INTS10: variants seen among roughly 807,000 people sequenced by gnomAD.
The protein encoded by INTS10 is integrator complex subunit 10, also known as chromosome 8 open reading frame 35.
INTS10 carries 44 observed loss-of-function variants against 94.4 expected under a neutral mutation model. The ratio of observed to expected loss-of-function variants is 0.47; its 90% CI spans 0.37 to 0.60. The LOEUF is 0.60. Ranked by LOEUF, INTS10 falls within the 20% of genes least tolerant of loss-of-function variation. INTS10 has a pLI of 0.00. For synonymous variants in INTS10, 341 were observed against 320.7 expected (o/e 1.06, Z -0.68); for missense variants, 797 against 868.7 (o/e 0.92, Z 1.04).
At chr8:19,845,940 G>T in intron 16 of INTS10, 143 bp downstream of exon 16, 1 of 488,022 alleles carries the variant, frequency 2.0e-6, no homozygotes, top group Non-Finnish European at 3.6e-6. Flanking sequence ...TTTGATTCTG[G>T]GTACCTTTTG....
At position 19,817,459 on chromosome 8, in the gene INTS10, G is replaced by T. The variant is rs934232523; in HGVS notation, c.-79G>T. 1.6e-5 allele frequency: 25 copies of T among 1,534,524 alleles called. No individual in the cohort carries two copies. In the African/African-American group the frequency reaches 2.9e-4, roughly 18 times the overall value. Reference sequence around the variant, plus strand: ...CCCCCGCGGTGGCGGCGGCGGCGGCGGTGGCTGCCGTGGCGGCTGAGAGTC... The same window carrying T: ...CCCCCGCGGTGGCGGCGGCGGCGGCTGTGGCTGCCGTGGCGGCTGAGAGTC... On this transcript the variant is annotated 5_prime_UTR_variant, in exon 1 of 17. Coordinates refer to ENST00000397977, the MANE Select transcript of INTS10 (RefSeq NM_018142.4).
intron 9 of INTS10, among the ~76,000 whole-genome samples, chr8:19,827,869 CTTGCT>C (rs2066924550): frequency 6.6e-6 from 1 of 152,202 alleles, no homozygotes; most frequent in African/African-American, 2.4e-5. Context: ...TCACATATAT[CTTGCT>C]TTGCTCACAG....
chr8:19,837,247 G>A (rs531010468), intron 13 of INTS10, 87 bp downstream of exon 13: 26 of 843,258 alleles, frequency 3.1e-5, no homozygotes, highest in Middle Eastern at 2.2e-4. Flanking sequence ...TCAGCTACTC[G>A]GAAGTCGAGG....
chr8:19,836,178 A>C (rs537124783), intron 12 of INTS10, among the ~76,000 whole-genome samples: 2 of 152,126 alleles, frequency 1.3e-5, no homozygotes, highest in African/African-American at 2.4e-5. Flanking sequence ...ATAAATAAAA[A>C]ATTACCTAGA....
intron 5 of INTS10, among the ~76,000 whole-genome samples, chr8:19,822,906 C>T (rs368495155): frequency 1.9e-4 from 28 of 151,258 alleles, no homozygotes; most frequent in Admixed American, 5.9e-4. Context: ...GCCGAGATCG[C>T]GCCACTGTAC....
intron 4 of INTS10, 57 bp downstream of exon 4, chr8:19,820,575 T>A (rs1303713420): frequency 1.4e-5 from 21 of 1,484,124 alleles, no homozygotes; most frequent in Non-Finnish European, 1.9e-5. Context: ...CATCAACAGA[T>A]TCATCGGTAT....
chr8:19,838,664 T>C (rs143978887), intron 13 of INTS10, among the ~76,000 whole-genome samples: 43 of 152,318 alleles, frequency 2.8e-4, no homozygotes, highest in African/African-American at 9.9e-4. Context: ...GTATCCATCA[T>C]GAATTATAAT....
chr8:19,823,749 A>G (rs2066572824), intron 6 of INTS10, 124 bp from the exon 7 acceptor site: 2 of 889,312 alleles, frequency 2.2e-6, no homozygotes, highest in Non-Finnish European at 3.4e-6. Flanking sequence ...CTTGAGCAAA[A>G]CATAAGTATG....
In INTS10 at chr8:19,817,625, A is replaced by G. The variant is rs1323988776; in HGVS notation, c.88A>G (p.Ile30Val). The change falls in exon 1 of 17, where the codon ATC (isoleucine) becomes GTC (valine). Residue 30 changes from isoleucine to valine, a missense_variant. By Grantham distance (29) the Ile-to-Val change is conservative. Around this residue, in one of 3 missense-constraint regions of INTS10, gnomAD observed 734 missense variants for 787.8 expected, o/e 0.93. Coordinates refer to ENST00000397977, the MANE Select transcript of INTS10 (RefSeq NM_018142.4). ...CCTGTGGGCAGCCAAGGCGTGGCTGATCACGGCCCGCAGCCTCTACCCGGC... is the reference window on the plus strand; with the variant it reads ...CCTGTGGGCAGCCAAGGCGTGGCTGGTCACGGCCCGCAGCCTCTACCCGGC... The part of the protein sequence containing the change: ...QDLWAAKAWL[I>V]TARSLYPADF... 6.2e-7 allele frequency: 1 copy of G among 1,607,814 alleles called. No individual in the cohort carries two copies. The highest frequency in any genetic ancestry group is 2.2e-5 in the East Asian group (1 of 44,640).
chr8:19,842,392 C>G (rs1331379878), intron 13 of INTS10, among the ~76,000 whole-genome samples: 1 of 152,170 alleles, frequency 6.6e-6, no homozygotes, highest in African/African-American at 2.4e-5. Flanking sequence ...GTGTAACAGT[C>G]ATAGGAATGA....
chr8:19,833,151 C>T lies in INTS10; in HGVS notation c.1378-18C>T. The T allele has an allele frequency of 6.6e-7, 1 of 1,517,544 alleles. No homozygotes were observed. The highest frequency in any genetic ancestry group is 8.8e-7 in the Non-Finnish European group (1 of 1,133,400). 94.0% of individuals were successfully genotyped at this position (1,517,544 alleles called of 1,614,324 possible). ...AACAGCGATGCTTTTCCCCTCCTTG[C>T]TATTCTATCTTTCTTAGGGTCAATA... On this transcript the variant is annotated intron_variant, in intron 11 of 16. Transcript: ENST00000397977.
chr8:19,823,831 G>A (rs2066581992), intron 6 of INTS10, 42 bp from the exon 7 acceptor site: 2 of 1,505,196 alleles, frequency 1.3e-6, no homozygotes, highest in South Asian at 2.6e-5. Flanking sequence ...TCAACAGTAA[G>A]TCATAATGTT....
At chr8:19,837,228 C>A in intron 13 of INTS10, 68 bp downstream of exon 13, 1 of 981,530 alleles carries the variant, frequency 1.0e-6, no homozygotes, top group Non-Finnish European at 1.6e-6. Context: ...GTGGCTCACA[C>A]TTGTAATCTC....
intron 11 of INTS10, among the ~76,000 whole-genome samples, chr8:19,832,949 C>T (rs2067350878): frequency 6.6e-6 from 1 of 152,146 alleles, no homozygotes; most frequent in African/African-American, 2.4e-5. Context: ...GAAAAATCTT[C>T]ATCCTTATAA....
intron 16 of INTS10, chr8:19,848,927 G>T (rs938039302): frequency 9.3e-6 from 2 of 215,754 alleles, no homozygotes; most frequent in Non-Finnish European, 2.0e-5. Context: ...CTGAGCTCTG[G>T]GACCAGGAAC....
At chr8:19,838,026 C>T (rs1231011972) in intron 13 of INTS10, among the ~76,000 whole-genome samples, 1 of 152,054 alleles carries the variant, frequency 6.6e-6, no homozygotes, top group Non-Finnish European at 1.5e-5. Context: ...TTCTTAAACA[C>T]AATTTACCAA....
chr8:19,828,586 G>A (rs1055914729), intron 9 of INTS10, among the ~76,000 whole-genome samples: 2 of 152,182 alleles, frequency 1.3e-5, no homozygotes, highest in African/African-American at 2.4e-5. Flanking sequence ...TCCTGATCTC[G>A]TGTTGAGGCA....
At position 19,837,093 on chromosome 8, in the gene INTS10, A is replaced by G. The variant is rs1452879429; in HGVS notation, c.1572A>G (p.Val524=). Residue 524 remains valine, a synonymous_variant, in exon 13 of 17, where the codon GTA becomes GTG. Transcript: ENST00000397977. ...EKVLDLMCYM[V]LPIQDGGKSQ... ...TCCTTGATTTGATGTGCTACATGGTACTCCCCATTCAAGATGGAGGCAAAT... is the reference window on the plus strand; with the variant it reads ...TCCTTGATTTGATGTGCTACATGGTGCTCCCCATTCAAGATGGAGGCAAAT... 1 of 1,613,852 alleles carries G rather than the reference A, an allele frequency of 6.2e-7. No homozygotes were observed. The highest frequency in any genetic ancestry group is 1.7e-5 in the Admixed American group (1 of 60,002).
intron 12 of INTS10, among the ~76,000 whole-genome samples, chr8:19,835,350 G>A (rs751273676): frequency 6.6e-6 from 1 of 152,068 alleles, no homozygotes; most frequent in Non-Finnish European, 1.5e-5. Flanking sequence ...GTTGAATCCC[G>A]CTGTTGGCTG....
Sources: allele counts gnomAD v4.1 joint callset (sites outside exome capture counted in the v4.1 genomes callset), GRCh38; gene constraint gnomAD v4.1.1; regional missense constraint gnomAD v4.1.1; transcripts MANE v1.5; gene names NCBI Gene and HGNC (gene_info 2026-07-23, HGNC 2026-07-21).